The following PTPRK variants were observed in gnomAD, a reference collection of about 807,000 sequenced individuals.
The protein encoded by PTPRK is protein tyrosine phosphatase receptor type K.
Under a neutral mutation model 178.0 loss-of-function variants are expected in PTPRK, and 75 were observed. The ratio of observed to expected loss-of-function variants is 0.42; its 90% CI spans 0.35 to 0.51. The LOEUF is 0.51. PTPRK is among the 20% of genes least tolerant of loss of function. The probability of loss-of-function intolerance (pLI) is 0.02; values close to 1 mark genes in which losing one functional copy is unlikely to be tolerated. For synonymous variants in PTPRK, 637 were observed against 620.6 expected, an observed-to-expected ratio of 1.03 and a Z score of -0.39; for missense variants, 1,441 against 1,797.8, an observed-to-expected ratio of 0.80 and a Z score of 3.59.
At chr6:128,243,048 G>A (rs1041136251) in intron 3 of PTPRK, among the ~76,000 whole-genome samples, 1 of 152,160 alleles carries the variant, frequency 6.6e-6, no homozygotes, top group Non-Finnish European at 1.5e-5. Flanking sequence ...TTTCAAGGAT[G>A]AGTGTCAACC....
intron 1 of PTPRK, among the ~76,000 whole-genome samples, chr6:128,503,606 A>G (rs1855874023): frequency 6.6e-6 from 1 of 152,210 alleles, no homozygotes; most frequent in Non-Finnish European, 1.5e-5. Context: ...AACTAACATG[A>G]AAGAAATCAG....
intron 13 of PTPRK, among the ~76,000 whole-genome samples, chr6:128,036,204 G>A (rs550785721): frequency 6.6e-6 from 1 of 152,224 alleles, no homozygotes; most frequent in East Asian, 1.9e-4. Flanking sequence ...CCAGGGCTGT[G>A]AGAGAATGAG....
At chr6:128,397,292 T>C (rs1012946479) in intron 2 of PTPRK, among the ~76,000 whole-genome samples, 6 of 152,194 alleles carry the variant, frequency 3.9e-5, no homozygotes, top group African/African-American at 1.4e-4. Flanking sequence ...CTGTTTTTTC[T>C]TTTATTTTTT....
intron 7 of PTPRK, among the ~76,000 whole-genome samples, chr6:128,170,267 G>A (rs1800042606): frequency 6.6e-6 from 1 of 152,000 alleles, no homozygotes; most frequent in Admixed American, 6.6e-5. Context: ...TGACAGGGAA[G>A]ATAGCTACAT....
At chr6:128,335,700 T>G (rs1262069293) in intron 2 of PTPRK, among the ~76,000 whole-genome samples, 1 of 152,036 alleles carries the variant, frequency 6.6e-6, no homozygotes, top group Non-Finnish European at 1.5e-5. Context: ...AAGCGAATGG[T>G]GCCATCTCCT....
intron 1 of PTPRK, among the ~76,000 whole-genome samples, chr6:128,437,408 CAACT>C (rs1201582874): frequency 6.6e-6 from 1 of 152,108 alleles, no homozygotes; most frequent in East Asian, 1.9e-4. Context: ...CCCTACTCTG[CAACT>C]AAGTAGTATC....
chr6:128,379,339 T>C (rs962980059), intron 2 of PTPRK, among the ~76,000 whole-genome samples: 20 of 152,146 alleles, frequency 1.3e-4, no homozygotes, highest in Non-Finnish European at 2.6e-4. Flanking sequence ...TATTGACTAG[T>C]AAAATGACAT....
At position 128,337,144 on chromosome 6, in the gene PTPRK, T is replaced by C. The variant is rs149429424; in HGVS notation, c.224-14834A>G. 9.4e-4 allele frequency among the ~76,000 whole-genome samples: 143 copies of C among 152,312 alleles called. 1 individual carries two copies. Among genetic ancestry groups the C allele is most frequent in the African/African-American group, 3.3e-3 (138 of 41,574 alleles). ...TTCCTACCTTCTTCATAAGCTCTTA[T>C]GTCTGATTATACAACTTTTTAGTTA... On this transcript the variant is annotated intron_variant, in intron 2 of 29. Transcript: ENST00000368226.
intron 21 of PTPRK, among the ~76,000 whole-genome samples, 186 bp downstream of exon 21, chr6:127,990,583 A>G (rs1353528533): frequency 3.1e-4 from 47 of 152,086 alleles, no homozygotes; most frequent in Non-Finnish European, 1.5e-5. Context: ...ACACGAGGCG[A>G]TTTTAACATG....
intron 3 of PTPRK, among the ~76,000 whole-genome samples, chr6:128,279,938 A>G (rs1386902799): frequency 1.3e-5 from 2 of 152,154 alleles, no homozygotes; most frequent in African/African-American, 2.4e-5. Flanking sequence ...CAGGCAGTAA[A>G]GTCTTTGTTA....
chr6:128,146,805 C>G (rs775525648), intron 7 of PTPRK, among the ~76,000 whole-genome samples: 1 of 152,078 alleles, frequency 6.6e-6, no homozygotes, highest in Non-Finnish European at 1.5e-5. Flanking sequence ...TTCTAATCTG[C>G]AAATATCACA....
chr6:128,209,606 T>G (rs1807698338), intron 6 of PTPRK, among the ~76,000 whole-genome samples: 1 of 152,226 alleles, frequency 6.6e-6, no homozygotes, highest in East Asian at 1.9e-4. Context: ...ACTATTTTTG[T>G]TTTTTTGACA....
intron 1 of PTPRK, among the ~76,000 whole-genome samples, chr6:128,405,279 A>T (rs1418727110): frequency 6.6e-6 from 1 of 152,266 alleles, no homozygotes; most frequent in South Asian, 2.1e-4. Flanking sequence ...CCCCTAAAGC[A>T]TGTATAAACC....
intron 1 of PTPRK, among the ~76,000 whole-genome samples, chr6:128,465,271 C>CT (rs200512681): frequency 0.02 from 2,961 of 151,248 alleles, 39 homozygotes; most frequent in Non-Finnish European, 0.025. Context: ...AAACAAGTTG[C>CT]TTTTTTTTCA....
chr6:128,097,840 T>C (rs975750840), intron 7 of PTPRK, among the ~76,000 whole-genome samples: 5 of 152,258 alleles, frequency 3.3e-5, no homozygotes, highest in African/African-American at 1.2e-4. Context: ...TTTCATAAAA[T>C]TTTTTAGCAA....
intron 1 of PTPRK, among the ~76,000 whole-genome samples, chr6:128,443,977 C>G (rs547020325): frequency 6.6e-6 from 1 of 152,098 alleles, no homozygotes; most frequent in Non-Finnish European, 1.5e-5. Context: ...CTCAGACTCA[C>G]GAGTAGCTGG....
chr6:128,320,828 C>T (rs913780179), intron 3 of PTPRK, among the ~76,000 whole-genome samples: 2 of 152,122 alleles, frequency 1.3e-5, no homozygotes, highest in Non-Finnish European at 2.9e-5. Flanking sequence ...TATATGCAGC[C>T]CTCCTGGGGC....
At chr6:128,161,257 CAGAA>C (rs1175684092) in intron 7 of PTPRK, among the ~76,000 whole-genome samples, 1 of 151,548 alleles carries the variant, frequency 6.6e-6, no homozygotes, top group Non-Finnish European at 1.5e-5. Context: ...GAATATAAAT[CAGAA>C]AGAAACAATA....
chr6:128,302,011 T>G lies in PTPRK; in HGVS notation c.495+20028A>C, dbSNP rs143016500. Among the ~76,000 whole-genome samples the G allele has an allele frequency of 6.3e-3, 960 of 152,244 alleles. 13 individuals carry two copies. The highest frequency in any genetic ancestry group is 0.022 in the African/African-American group (919 of 41,524). On this transcript the variant is annotated intron_variant, in intron 3 of 29. Coordinates refer to ENST00000368226, the MANE Select transcript of PTPRK (RefSeq NM_002844.4). The stretch of plus-strand genomic sequence containing the variant: ...AGCAGATAATACAGATAACTTTATC[T>G]TAAGTTCCCGAGACTAAATTACAAA...
Sources: gnomAD v4.1 joint callset for allele counts (sites outside exome capture counted in the v4.1 genomes callset) on GRCh38, gnomAD v4.1.1 for gene constraint, MANE v1.5 for transcripts, NCBI Gene and HGNC (gene_info 2026-07-23, HGNC 2026-07-21) for gene names.